FAF1: variants seen among roughly 807,000 people sequenced by gnomAD.
FAF1 encodes the protein FAS-associated factor 1.
A neutral mutation model predicts 92.5 loss-of-function variants in FAF1; 25 were observed. The ratio of observed to expected loss-of-function variants is 0.27; its 90% CI spans 0.20 to 0.38. The LOEUF is 0.38. FAF1 is among the 10% of genes least tolerant of loss of function. The pLI is 1.00. For synonymous variants in FAF1, 234 were observed against 273.2 expected, an observed-to-expected ratio of 0.86 and a Z score of 1.42; for missense variants, 636 against 793.3, an observed-to-expected ratio of 0.80 and a Z score of 2.38.
At chr1:50,953,180 G>C (rs1446841557) in intron 1 of FAF1, among the ~76,000 whole-genome samples, 1 of 152,030 alleles carries the variant, frequency 6.6e-6, no homozygotes, top group Non-Finnish European at 1.5e-5. Flanking sequence ...TTGTTAAACA[G>C]ATGCTTGAAG....
At chr1:50,585,748 G>C (rs1406728419) in intron 9 of FAF1, among the ~76,000 whole-genome samples, 1 of 151,950 alleles carries the variant, frequency 6.6e-6, no homozygotes, top group Admixed American at 6.6e-5. Context: ...GTTATAAAAT[G>C]GGGAAACTGA....
At chr1:50,712,828 T>C (rs1433660580) in intron 6 of FAF1, among the ~76,000 whole-genome samples, 1 of 152,036 alleles carries the variant, frequency 6.6e-6, no homozygotes, top group African/African-American at 2.4e-5. Flanking sequence ...ATGTTGGTTA[T>C]GATAGTTAGC....
At chr1:50,677,045 C>T (rs1656153084) in intron 7 of FAF1, among the ~76,000 whole-genome samples, 3 of 151,956 alleles carry the variant, frequency 2.0e-5, no homozygotes, top group Non-Finnish European at 4.4e-5. Flanking sequence ...TAAACCATTG[C>T]TATATGCACA....
chr1:50,583,536 T>C lies in FAF1; in HGVS notation c.1031+116A>G, dbSNP rs1169617326. 5 of 558,778 alleles carry C rather than the reference T, an allele frequency of 8.9e-6. No homozygotes were observed. Among genetic ancestry groups the C allele is most frequent in the Admixed American group, 6.6e-5 (2 of 30,236 alleles). 34.6% of individuals were successfully genotyped at this position (558,778 alleles called of 1,614,324 possible). A position where few individuals can be genotyped will look rare whatever the true frequency, so the allele number is the denominator to read the frequency against. ...TTAGGACTATATAAATTAACAAGTA[T>C]ATCCTTTGAATACTTTAAGGAGAAA... On this transcript the variant is annotated intron_variant, in intron 11 of 18. Coordinates refer to ENST00000396153, the MANE Select transcript of FAF1 (RefSeq NM_007051.3). This position sits in a 1 kb window ranked among gnomAD's most constrained non-coding sequence, Gnocchi z 4.2.
chr1:50,474,146 C>T (rs1024535020), intron 18 of FAF1, among the ~76,000 whole-genome samples: 24 of 152,214 alleles, frequency 1.6e-4, no homozygotes, highest in South Asian at 2.1e-4. Context: ...AAATTTGTCT[C>T]GTGTAACTTT....
intron 4 of FAF1, among the ~76,000 whole-genome samples, chr1:50,781,933 C>T (rs999612092): frequency 6.6e-6 from 1 of 152,112 alleles, no homozygotes; most frequent in Non-Finnish European, 1.5e-5. Flanking sequence ...CCAAGGTGGT[C>T]CTGAGCTGAA....
chr1:50,449,684 T>C (rs1646271483), intron 18 of FAF1, among the ~76,000 whole-genome samples: 1 of 151,304 alleles, frequency 6.6e-6, no homozygotes, highest in South Asian at 2.1e-4. Context: ...GAGACAAGTT[T>C]TCGCCATGTT....
At chr1:50,573,118 T>G (rs1406569648) in intron 12 of FAF1, among the ~76,000 whole-genome samples, 1 of 151,972 alleles carries the variant, frequency 6.6e-6, no homozygotes, top group Non-Finnish European at 1.5e-5. Context: ...TCTTTTTTTT[T>G]TTTTTGAGAC....
At chr1:50,767,405 G>A (rs1024739297) in intron 4 of FAF1, among the ~76,000 whole-genome samples, 3 of 152,090 alleles carry the variant, frequency 2.0e-5, no homozygotes, top group African/African-American at 4.8e-5. Context: ...GATATAATTC[G>A]CGAAAATTTC....
intron 15 of FAF1, among the ~76,000 whole-genome samples, chr1:50,502,725 T>G (rs1186044914): frequency 6.6e-6 from 1 of 152,200 alleles, no homozygotes; most frequent in Non-Finnish European, 1.5e-5. Flanking sequence ...TAGCTGAATA[T>G]TCAAGCTTTC....
intron 1 of FAF1, among the ~76,000 whole-genome samples, chr1:50,920,475 T>C (rs1445986599): frequency 6.6e-6 from 1 of 152,156 alleles, no homozygotes; most frequent in Non-Finnish European, 1.5e-5. Flanking sequence ...GCACCCAAGA[T>C]TCCTCTAAAT....
At chr1:50,895,109 A>C (rs1644748398) in intron 1 of FAF1, among the ~76,000 whole-genome samples, 1 of 152,150 alleles carries the variant, frequency 6.6e-6, no homozygotes. Context: ...TTTTTAGAAA[A>C]GAAAAAAAAA....
chr1:50,755,454 A>G (rs1223143340), intron 4 of FAF1, among the ~76,000 whole-genome samples: 1 of 152,180 alleles, frequency 6.6e-6, no homozygotes, highest in Non-Finnish European at 1.5e-5. Flanking sequence ...TGCAGGGTAT[A>G]GCATACCTCC....
rs139080073 is a variant in FAF1 at position 50,503,650 on chromosome 1, A to C, written c.1495-11849T>G. 2.8e-3 allele frequency among the ~76,000 whole-genome samples: 418 copies of C among 148,816 alleles called. 1 individual carries two copies. Among genetic ancestry groups the C allele is most frequent in the African/African-American group, 1.0e-2 (404 of 40,594 alleles). ...AAAAAAAAATTGCTAAAACCAAAACAAAAAAAAAAGTAACATGGTGGTATA... is the reference window on the plus strand; with the variant it reads ...AAAAAAAAATTGCTAAAACCAAAACCAAAAAAAAAGTAACATGGTGGTATA... On this transcript the variant is annotated intron_variant, in intron 15 of 18. Transcript: ENST00000396153.
intron 17 of FAF1, 112 bp from the exon 18 acceptor site, chr1:50,475,791 C>A: frequency 1.5e-6 from 1 of 645,436 alleles, no homozygotes; most frequent in Non-Finnish European, 2.6e-6. Context: ...ATTGAAAAGT[C>A]ACTGCCCTAT....
intron 2 of FAF1, among the ~76,000 whole-genome samples, chr1:50,842,003 G>A (rs146993171): frequency 6.6e-6 from 1 of 152,126 alleles, no homozygotes; most frequent in Non-Finnish European, 1.5e-5. Flanking sequence ...TTTGGACTCT[G>A]TTACACTTCC....
intron 8 of FAF1, among the ~76,000 whole-genome samples, chr1:50,605,728 C>A (rs1652347751): frequency 6.6e-6 from 1 of 152,106 alleles, no homozygotes; most frequent in Admixed American, 6.5e-5. Context: ...TTGCCTATAA[C>A]CAGTAAGAAG....
At chr1:50,682,701 T>C (rs927636696) in intron 7 of FAF1, among the ~76,000 whole-genome samples, 1 of 152,170 alleles carries the variant, frequency 6.6e-6, no homozygotes, top group East Asian at 1.9e-4. Context: ...TGAAAGTAAC[T>C]TCAGGTACTA....
intron 2 of FAF1, among the ~76,000 whole-genome samples, chr1:50,829,508 C>T (rs2124630426): frequency 6.6e-6 from 1 of 152,334 alleles, no homozygotes; most frequent in East Asian, 1.9e-4. Flanking sequence ...ACAGTGTTGA[C>T]AACCATCTGC....
Sources: allele counts gnomAD v4.1 joint callset (sites outside exome capture counted in the v4.1 genomes callset), GRCh38; gene constraint gnomAD v4.1.1; non-coding constraint Gnocchi (gnomAD v3.1); transcripts MANE v1.5; gene names NCBI Gene and HGNC (gene_info 2026-07-23, HGNC 2026-07-21).